Variants in TNFRSF14 observed in about 807,000 individuals in gnomAD.
TNFRSF14 encodes the protein TNF receptor superfamily member 14.
Under a neutral mutation model 34.1 loss-of-function variants are expected in TNFRSF14, and 18 were observed. That is an observed-to-expected ratio of 0.53 (90% CI 0.36 to 0.78). The LOEUF is 0.78. Among genes scored for constraint, TNFRSF14 ranks in the 30% least tolerant of loss-of-function variants. TNFRSF14 has a pLI of 0.00. For synonymous variants in TNFRSF14, 157 were observed against 153.2 expected (o/e 1.02, Z -0.18); for missense variants, 352 against 379.5 (o/e 0.93, Z 0.60).
chr1:2,562,503 T>C, intron 6 of TNFRSF14: 1 of 431,088 alleles, frequency 2.3e-6, no homozygotes, highest in South Asian at 2.6e-5. Flanking sequence ...AGCAGCTTAG[T>C]CTCACCCAAC....
At chr1:2,558,318 G>C in intron 2 of TNFRSF14, 25 bp from the exon 3 acceptor site, 1 of 1,588,114 alleles carries the variant, frequency 6.3e-7, no homozygotes, top group Non-Finnish European at 8.6e-7. Flanking sequence ...GCAGACTTGC[G>C]AAGTTCCCAC....
chr1:2,562,482 G>A (rs772673772), intron 6 of TNFRSF14: 1 of 371,624 alleles, frequency 2.7e-6, no homozygotes, highest in Non-Finnish European at 4.9e-6. Flanking sequence ...AGGCTCTAGG[G>A]TAGGCCGGGC....
At chr1:2,558,159 G>A (rs574460449) in intron 2 of TNFRSF14, among the ~76,000 whole-genome samples, 184 bp from the exon 3 acceptor site, 19 of 152,318 alleles carry the variant, frequency 1.2e-4, no homozygotes, top group African/African-American at 4.1e-4. Flanking sequence ...AGAACTTTCC[G>A]ATTTTCCCCA....
Position 2,559,801 on chromosome 1 carries a change from A to AG in TNFRSF14, c.305-21dup, listed in dbSNP as rs1329003910. ...GTCCCGGCCTCCACGTACCCCTCTC[A>AG]GCCCCTCCTCTTGGACTCCAGCCAT... On this transcript the variant is annotated intron_variant, in intron 3 of 7. Coordinates refer to ENST00000355716, the MANE Select transcript of TNFRSF14 (RefSeq NM_003820.4). The AG allele has an allele frequency of 5.0e-6, 8 of 1,599,684 alleles. No homozygotes were observed. The Admixed American group carries it at 1.4e-4, about 27-fold the overall frequency.
intron 6 of TNFRSF14, chr1:2,562,550 C>G: frequency 1.9e-6 from 1 of 534,976 alleles, no homozygotes; most frequent in Non-Finnish European, 3.3e-6. Flanking sequence ...GGCCTCTCCA[C>G]TGTGAAGCGC....
chr1:2,555,378 C>T (rs956820978), upstream of TNFRSF14: 9 of 152,242 alleles, frequency 5.9e-5, no homozygotes, highest in African/African-American at 2.2e-4. This position sits in a 1 kb window ranked among gnomAD's most constrained non-coding sequence, Gnocchi z 6.3. Context: ...GCTCCTGCCA[C>T]AGATTCCTGT....
rs764568036 is a variant in TNFRSF14, at chr1:2,556,736, G to A, written c.69+3G>A. On this transcript the variant is annotated splice_donor_region_variant and intron_variant, in intron 1 of 7. Coordinates refer to ENST00000355716, the MANE Select transcript of TNFRSF14 (RefSeq NM_003820.4). ...CCAAAACCGACGTCTTGAGGCTGGTGAGCCCCCGAGCCTCCTCTCCGTCTG... is the reference window on the plus strand; with the variant it reads ...CCAAAACCGACGTCTTGAGGCTGGTAAGCCCCCGAGCCTCCTCTCCGTCTG... The A allele has an allele frequency of 6.3e-7, 1 of 1,588,384 alleles. No individual in the cohort carries two copies. Among genetic ancestry groups the A allele is most frequent in the Non-Finnish European group, 8.6e-7 (1 of 1,168,646 alleles).
At chr1:2,555,091 C>G (rs1644195088), upstream of TNFRSF14, 1 of 152,178 alleles carries the variant, frequency 6.6e-6, no homozygotes, top group Non-Finnish European at 1.5e-5. This position sits in a 1 kb window ranked among gnomAD's most constrained non-coding sequence, Gnocchi z 6.3. Context: ...CTCCCAGGCT[C>G]CAGCTGTGGG....
intron 7 of TNFRSF14, 46 bp from the exon 8 acceptor site, chr1:2,563,102 A>AG (rs750906816): frequency 1.2e-5 from 20 of 1,608,314 alleles, no homozygotes; most frequent in Admixed American, 5.0e-5. Context: ...CTGGAGTCCC[A>AG]GGGGGGCCTG....
In TNFRSF14 at chr1:2,561,128, T is replaced by G; in HGVS notation, c.551+414T>G. ...GGAGGACACCTTCAAATGCTGACCC[T>G]GGGCCCCTAACTGACCTGAGACTTC... is the stretch of plus-strand genomic sequence containing the variant. On this transcript the variant is annotated intron_variant, in intron 5 of 7. Coordinates refer to ENST00000355716, the MANE Select transcript of TNFRSF14 (RefSeq NM_003820.4). The surrounding 1 kb of genome is among the most constrained non-coding windows in gnomAD (Gnocchi z 6.0). 1 of 325,274 alleles carries G rather than the reference T, an allele frequency of 3.1e-6. No homozygotes were observed. Among genetic ancestry groups the G allele is most frequent in the Non-Finnish European group, 5.7e-6 (1 of 176,788 alleles). The allele number at this position is 325,274 out of a possible 1,614,324, so 20.1% of individuals were successfully genotyped here.
In TNFRSF14 at chr1:2,556,458, G is replaced by C. The variant is rs780657106; in HGVS notation, c.-207G>C. ...TCCCCCAGCGCCGCTCCACCCAGCAGGCCTGAGCCCCTCTCTGCTGCCAGA... is the reference window on the plus strand; with the variant it reads ...TCCCCCAGCGCCGCTCCACCCAGCACGCCTGAGCCCCTCTCTGCTGCCAGA... On this transcript the variant is annotated 5_prime_UTR_variant, in exon 1 of 8. Coordinates refer to ENST00000355716, the MANE Select transcript of TNFRSF14 (RefSeq NM_003820.4). The C allele has an allele frequency of 1.4e-6, 1 of 704,894 alleles. No individual in the cohort carries two copies. 43.7% of individuals were successfully genotyped at this position (704,894 alleles called of 1,614,324 possible). A position where few individuals can be genotyped will look rare whatever the true frequency, so the allele number is the denominator to read the frequency against.
At chr1:2,562,720 C>G (rs1644328390) in intron 6 of TNFRSF14, 145 bp from the exon 7 acceptor site, 1 of 1,100,074 alleles carries the variant, frequency 9.1e-7, no homozygotes, top group African/African-American at 1.5e-5. Context: ...CTCCTCTGCT[C>G]TCAGAGAGGG....
Position 2,563,406 on chromosome 1 carries a change from T to C in TNFRSF14, c.*133T>C. 1 of 1,459,670 alleles carries C rather than the reference T, an allele frequency of 6.9e-7. No individual in the cohort carries two copies. The highest frequency in any genetic ancestry group is 1.3e-5 in the South Asian group (1 of 74,520). 90.4% of individuals were successfully genotyped at this position (1,459,670 alleles called of 1,614,324 possible). ...CTGGGCTGGCTTCCGTCTCCTCCAG[T>C]GGAGGGAGAGGTGGGGCCCCTGCTG... On this transcript the variant is annotated 3_prime_UTR_variant, in exon 8 of 8. Transcript: ENST00000355716.
rs567341814 is a variant in TNFRSF14 at position 2,556,498 on chromosome 1, C to T, written c.-167C>T. ...CTGCTGCCAGACACCCCCTGCTGCC[C>T]ACTCTCCTGCTGCTCGGGTTCTGAG... On this transcript the variant is annotated 5_prime_UTR_variant, in exon 1 of 8. Coordinates refer to ENST00000355716, the MANE Select transcript of TNFRSF14 (RefSeq NM_003820.4). The T allele has an allele frequency of 6.0e-5, 45 of 748,608 alleles. 1 individual carries two copies. The South Asian group carries it at 6.6e-4, about 11-fold the overall frequency. 46.4% of individuals were successfully genotyped at this position (748,608 alleles called of 1,614,324 possible).
chr1:2,562,782 C>T, intron 6 of TNFRSF14, 83 bp from the exon 7 acceptor site: 1 of 1,563,396 alleles, frequency 6.4e-7, no homozygotes, highest in Non-Finnish European at 8.8e-7. Flanking sequence ...GTGCCTCCGC[C>T]ACCGCTGTGA....
At chr1:2,560,251 C>T (rs941303875) in intron 4 of TNFRSF14, among the ~76,000 whole-genome samples, 10 of 152,130 alleles carry the variant, frequency 6.6e-5, no homozygotes, top group African/African-American at 1.4e-4. Context: ...GCCTCGCTCT[C>T]GGGCCCCTGG....
chr1:2,560,944 G>A, intron 5 of TNFRSF14: 1 of 530,840 alleles, frequency 1.9e-6, no homozygotes, highest in Non-Finnish European at 3.4e-6. Context: ...CTTCCTGGAG[G>A]CTCAGGATGG....
upstream of TNFRSF14, chr1:2,554,407 G>C (rs1206707406): frequency 6.5e-6 from 1 of 152,752 alleles, no homozygotes; most frequent in Admixed American, 6.5e-5. The surrounding 1 kb of genome is among the most constrained non-coding windows in gnomAD (Gnocchi z 4.2). Context: ...TGGACCCCTG[G>C]AGTCTGCATT....
intron 1 of TNFRSF14, among the ~76,000 whole-genome samples, chr1:2,557,206 C>T (rs1386922532): frequency 2.0e-5 from 3 of 152,210 alleles, no homozygotes; most frequent in Non-Finnish European, 4.4e-5. Context: ...GCCTGTCCAG[C>T]CACTATCCCC....
Sources: gnomAD v4.1 joint callset for allele counts (sites outside exome capture counted in the v4.1 genomes callset) on GRCh38, gnomAD v4.1.1 for gene constraint, Gnocchi (gnomAD v3.1) non-coding constraint, MANE v1.5 for transcripts, NCBI Gene and HGNC (gene_info 2026-07-23, HGNC 2026-07-21) for gene names.